RUNDC3B: variants seen among roughly 807,000 people sequenced by gnomAD.
The protein encoded by RUNDC3B is RUN domain containing 3B.
Under a neutral mutation model 58.4 loss-of-function variants are expected in RUNDC3B, and 33 were observed. That is an observed-to-expected ratio of 0.56 (90% confidence interval 0.43 to 0.75). RUNDC3B has a LOEUF of 0.75. Among genes scored for constraint, RUNDC3B ranks in the 30% least tolerant of loss-of-function variants. The probability of loss-of-function intolerance (pLI) is 0.00; values close to 1 mark genes in which losing one functional copy is unlikely to be tolerated. For missense variants in RUNDC3B, 501 were observed against 535.7 expected, an observed-to-expected ratio of 0.94 and a Z score of 0.64; for synonymous variants, 193 against 195.2, an observed-to-expected ratio of 0.99 and a Z score of 0.10.
At chr7:87,650,492 T>C (rs575115938) in intron 1 of RUNDC3B, among the ~76,000 whole-genome samples, 9 of 152,248 alleles carry the variant, frequency 5.9e-5, no homozygotes, top group African/African-American at 1.7e-4. Context: ...GTACTAATTC[T>C]GTACATGAAA....
chr7:87,821,649 T>A (rs199747634), intron 10 of RUNDC3B, among the ~76,000 whole-genome samples: 6 of 151,360 alleles, frequency 4.0e-5, no homozygotes, highest in Admixed American at 1.3e-4. Context: ...TATACTACAA[T>A]GCTACAGTAA....
intron 3 of RUNDC3B, among the ~76,000 whole-genome samples, chr7:87,703,453 C>T (rs1829267584): frequency 6.6e-6 from 1 of 152,088 alleles, no homozygotes; most frequent in Non-Finnish European, 1.5e-5. Flanking sequence ...CAGTTAATAG[C>T]TATGATTTTT....
At position 87,812,904 on chromosome 7, in the gene RUNDC3B, G is replaced by A. The variant is rs142635714; in HGVS notation, c.1104-3237G>A. ...CTCTTATAGATCAGTTACCGTTACC[G>A]CATGACTACAAAATGTTTGTCAGAT... On this transcript the variant is annotated intron_variant, in intron 9 of 10. Transcript: ENST00000394654. Among the ~76,000 whole-genome samples, 640 of 152,160 alleles carry A rather than the reference G, an allele frequency of 4.2e-3. 4 individuals carry two copies. Among genetic ancestry groups the A allele is most frequent in the Non-Finnish European group, 6.2e-3 (421 of 67,996 alleles).
chr7:87,778,390 C>T (rs55843951), intron 8 of RUNDC3B, among the ~76,000 whole-genome samples: 1,880 of 150,982 alleles, frequency 0.012, 40 homozygotes, highest in African/African-American at 0.043. Context: ...CTGCAGTGGG[C>T]CCTGATTGAG....
At chr7:87,748,580 A>G (rs1832783652) in intron 6 of RUNDC3B, among the ~76,000 whole-genome samples, 1 of 152,322 alleles carries the variant, frequency 6.6e-6, no homozygotes, top group Middle Eastern at 3.4e-3. Context: ...GTATGTGTAT[A>G]AAATATGTAT....
intron 6 of RUNDC3B, among the ~76,000 whole-genome samples, chr7:87,751,815 T>G (rs1215011556): frequency 6.6e-6 from 1 of 152,204 alleles, no homozygotes; most frequent in Non-Finnish European, 1.5e-5. Context: ...CCATGTCATC[T>G]GCAAACAGGG....
intron 2 of RUNDC3B, among the ~76,000 whole-genome samples, chr7:87,669,855 A>G (rs1825657053): frequency 6.6e-6 from 1 of 151,986 alleles, no homozygotes; most frequent in Non-Finnish European, 1.5e-5. Flanking sequence ...AGCCTAATGG[A>G]GTTCCTTTTG....
In RUNDC3B at chr7:87,831,278, G is replaced by T. The variant is rs1406761988; in HGVS notation, c.*1248G>T. Reference sequence around the variant, plus strand: ...TGATGAGGCCACAGTACTTACTGAGGACTTCATATGGTTTTTTTGTTTATT... The same window carrying T: ...TGATGAGGCCACAGTACTTACTGAGTACTTCATATGGTTTTTTTGTTTATT... On this transcript the variant is annotated 3_prime_UTR_variant, in exon 11 of 11. Transcript: ENST00000394654. 1 of 151,744 alleles carries T rather than the reference G, an allele frequency of 6.6e-6. No homozygotes were observed. Among genetic ancestry groups the T allele is most frequent in the African/African-American group, 2.4e-5 (1 of 41,362 alleles). The allele number at this position is 151,744 out of a possible 1,614,324, so 9.4% of individuals were successfully genotyped here.
chr7:87,817,536 C>A (rs1399144371), intron 10 of RUNDC3B, among the ~76,000 whole-genome samples: 1 of 152,206 alleles, frequency 6.6e-6, no homozygotes, highest in Non-Finnish European at 1.5e-5. Context: ...CTAGCTATTT[C>A]TTCAGGCTGG....
chr7:87,714,481 T>C (rs1830366946), intron 4 of RUNDC3B, among the ~76,000 whole-genome samples: 1 of 152,150 alleles, frequency 6.6e-6, no homozygotes. Flanking sequence ...AAGTACAGTA[T>C]ACAGAGATAA....
At chr7:87,708,239 T>TTCTA (rs922338707) in intron 3 of RUNDC3B, among the ~76,000 whole-genome samples, 4 of 152,132 alleles carry the variant, frequency 2.6e-5, no homozygotes, top group Admixed American at 6.5e-5. Flanking sequence ...GTTGATAAGC[T>TTCTA]TCTAGCAAGA....
intron 10 of RUNDC3B, among the ~76,000 whole-genome samples, chr7:87,822,716 T>C (rs1317062755): frequency 1.3e-5 from 2 of 152,028 alleles, no homozygotes; most frequent in East Asian, 1.9e-4. Flanking sequence ...CCATAAAAAA[T>C]TGAGAGTTCA....
intron 2 of RUNDC3B, among the ~76,000 whole-genome samples, chr7:87,679,627 T>C (rs1484526479): frequency 6.7e-6 from 1 of 150,248 alleles, no homozygotes; most frequent in African/African-American, 2.5e-5. Context: ...TGGGCTCAAG[T>C]GGTCCTCTCA....
chr7:87,780,894 T>C (rs2130887860), intron 8 of RUNDC3B, among the ~76,000 whole-genome samples: 1 of 152,298 alleles, frequency 6.6e-6, no homozygotes, highest in Admixed American at 6.5e-5. Flanking sequence ...GACTTCCTTG[T>C]AATATAGTTT....
chr7:87,637,501 T>G (rs1293125565), intron 1 of RUNDC3B, among the ~76,000 whole-genome samples: 2 of 152,178 alleles, frequency 1.3e-5, no homozygotes, highest in African/African-American at 2.4e-5. Flanking sequence ...AAATCAGTTT[T>G]GGGAAAACTG....
chr7:87,643,793 C>G (rs991799427), intron 1 of RUNDC3B, among the ~76,000 whole-genome samples: 1 of 151,722 alleles, frequency 6.6e-6, no homozygotes, highest in African/African-American at 2.4e-5. Context: ...TCCCAAAGTG[C>G]TAGGATTACA....
At chr7:87,761,008 A>G (rs1419189244) in intron 6 of RUNDC3B, among the ~76,000 whole-genome samples, 1 of 152,064 alleles carries the variant, frequency 6.6e-6, no homozygotes. Context: ...AACTTGCATT[A>G]TCAAAAGATA....
intron 8 of RUNDC3B, among the ~76,000 whole-genome samples, chr7:87,784,584 A>G (rs1447674188): frequency 1.3e-5 from 2 of 152,028 alleles, no homozygotes; most frequent in African/African-American, 4.8e-5. Context: ...GGTGTAATTC[A>G]GGCTGTGATG....
intron 2 of RUNDC3B, among the ~76,000 whole-genome samples, chr7:87,674,485 G>A (rs1046550449): frequency 3.3e-5 from 5 of 152,066 alleles, no homozygotes; most frequent in Non-Finnish European, 7.4e-5. Context: ...AGGGTGTCAG[G>A]GTGCACACAC....
Sources: gnomAD v4.1 joint callset for allele counts (sites outside exome capture counted in the v4.1 genomes callset) on GRCh38, gnomAD v4.1.1 for gene constraint, MANE v1.5 for transcripts, NCBI Gene and HGNC (gene_info 2026-07-23, HGNC 2026-07-21) for gene names.